The following GRIK2 variants were observed in gnomAD, a reference collection of about 807,000 sequenced individuals.
GRIK2 encodes the protein glutamate ionotropic receptor kainate type subunit 2.
In GRIK2, 32 loss-of-function variants were observed where a neutral mutation model predicts 100.3. The observed-to-expected ratio is 0.32, with a 90% CI of 0.24 to 0.43. The LOEUF (loss-of-function observed/expected upper bound fraction) is 0.43. Ranked by LOEUF, GRIK2 falls within the 20% of genes least tolerant of loss-of-function variation. The probability of loss-of-function intolerance (pLI) is 1.00; values close to 1 mark genes in which losing one functional copy is unlikely to be tolerated. For synonymous variants in GRIK2, 417 were observed against 389.4 expected (o/e 1.07, Z -0.83); for missense variants, 843 against 1,114.9 (o/e 0.76, Z 3.47).
chr6:101,517,692 G>A (rs1456457347), intron 2 of GRIK2, among the ~76,000 whole-genome samples: 1 of 152,062 alleles, frequency 6.6e-6, no homozygotes, highest in Non-Finnish European at 1.5e-5. Context: ...TTGACTTTTA[G>A]GCCTCTGCTT....
intron 10 of GRIK2, among the ~76,000 whole-genome samples, chr6:101,842,461 C>A (rs1481814777): frequency 1.3e-5 from 2 of 152,002 alleles, no homozygotes; most frequent in Non-Finnish European, 2.9e-5. Flanking sequence ...AAAATGTTAT[C>A]TTTATGCATT....
At chr6:101,771,224 T>G (rs1157760611) in intron 7 of GRIK2, among the ~76,000 whole-genome samples, 1 of 150,336 alleles carries the variant, frequency 6.7e-6, no homozygotes, top group African/African-American at 2.5e-5. Context: ...TTAGTTATCT[T>G]TCTTTTTTTT....
chr6:102,020,201 T>C (rs1769352298), intron 14 of GRIK2, among the ~76,000 whole-genome samples: 1 of 151,862 alleles, frequency 6.6e-6, no homozygotes, highest in Non-Finnish European at 1.5e-5. Flanking sequence ...TAGAATACCC[T>C]TGCTTATGAC....
At chr6:101,470,487 C>T (rs1008510086) in intron 2 of GRIK2, among the ~76,000 whole-genome samples, 2 of 152,128 alleles carry the variant, frequency 1.3e-5, no homozygotes, top group South Asian at 2.1e-4. Context: ...AAATGAGAAG[C>T]GAAATGCCTG....
chr6:101,957,429 A>G (rs565712568), intron 14 of GRIK2, among the ~76,000 whole-genome samples: 1 of 151,526 alleles, frequency 6.6e-6, no homozygotes, highest in South Asian at 2.1e-4. Context: ...ATTTTCTTCC[A>G]TTCTGTAGGT....
intron 13 of GRIK2, among the ~76,000 whole-genome samples, chr6:101,926,775 A>C (rs77541397): frequency 6.6e-6 from 1 of 152,288 alleles, no homozygotes; most frequent in East Asian, 1.9e-4. Context: ...AGTACATGAC[A>C]GTCAGCCCCT....
chr6:101,503,174 GT>G (rs905304345), intron 2 of GRIK2, among the ~76,000 whole-genome samples: 3 of 151,988 alleles, frequency 2.0e-5, no homozygotes, highest in Admixed American at 6.6e-5. Flanking sequence ...TACCTTAAGT[GT>G]TTTTTTTGTT....
intron 7 of GRIK2, among the ~76,000 whole-genome samples, chr6:101,761,867 C>CGGAAA (rs1416886767): frequency 8.2e-6 from 1 of 122,398 alleles, no homozygotes; most frequent in Non-Finnish European, 1.6e-5. Flanking sequence ...CTTTCCTTTC[C>CGGAAA]CCTCCCTTCC....
At chr6:101,419,235 C>G (rs1406098394) in intron 2 of GRIK2, among the ~76,000 whole-genome samples, 1 of 152,192 alleles carries the variant, frequency 6.6e-6, no homozygotes, top group Admixed American at 6.5e-5. Context: ...ATTCCTCACA[C>G]CTTTCACCTT....
At chr6:101,733,367 T>C (rs918512843) in intron 7 of GRIK2, among the ~76,000 whole-genome samples, 2 of 151,918 alleles carry the variant, frequency 1.3e-5, no homozygotes, top group Non-Finnish European at 2.9e-5. Context: ...AATAGAAAAA[T>C]AGAAAAGAAT....
chr6:101,660,963 A>C (rs1254881520), intron 4 of GRIK2, among the ~76,000 whole-genome samples: 1 of 152,120 alleles, frequency 6.6e-6, no homozygotes, highest in Non-Finnish European at 1.5e-5. Flanking sequence ...TCAGGGACCC[A>C]CTTGAGGAGG....
At chr6:101,446,871 C>T (rs528636164) in intron 2 of GRIK2, among the ~76,000 whole-genome samples, 5 of 150,266 alleles carry the variant, frequency 3.3e-5, no homozygotes, top group Admixed American at 6.7e-5. Context: ...CCTCAATCAC[C>T]GTTTCTTTTT....
At chr6:101,642,684 GC>G (rs1355115194) in intron 4 of GRIK2, among the ~76,000 whole-genome samples, 2 of 151,594 alleles carry the variant, frequency 1.3e-5, no homozygotes, top group African/African-American at 2.4e-5. Context: ...TATAAATAAT[GC>G]TGCTATGGAC....
chr6:101,473,894 T>C (rs896840190), intron 2 of GRIK2, among the ~76,000 whole-genome samples: 1 of 150,712 alleles, frequency 6.6e-6, no homozygotes, highest in African/African-American at 2.5e-5. Flanking sequence ...CATTGCAAAT[T>C]AAACTCATGT....
At chr6:102,058,990 ATTAAT>A (rs1487106473) in intron 16 of GRIK2, among the ~76,000 whole-genome samples, 1 of 151,332 alleles carries the variant, frequency 6.6e-6, no homozygotes, top group African/African-American at 2.4e-5. Context: ...ATTATAATAT[ATTAAT>A]TTATGGGTGA....
At chr6:101,482,287 TG>T (rs946978706) in intron 2 of GRIK2, among the ~76,000 whole-genome samples, 31 of 152,286 alleles carry the variant, frequency 2.0e-4, no homozygotes, top group Admixed American at 1.7e-3. Flanking sequence ...AAACGTAAAA[TG>T]AGTCATGTTC....
chr6:101,916,011 CAG>C (rs1196877393), intron 12 of GRIK2, among the ~76,000 whole-genome samples: 2 of 151,196 alleles, frequency 1.3e-5, no homozygotes, highest in Admixed American at 1.3e-4. Context: ...CTTTTTCTAA[CAG>C]TGTAAAAAAT....
At chr6:101,652,557 T>C (rs1562286395) in intron 4 of GRIK2, among the ~76,000 whole-genome samples, 2 of 152,114 alleles carry the variant, frequency 1.3e-5, no homozygotes, top group Admixed American at 6.6e-5. Flanking sequence ...ATTTTTAGAA[T>C]ATTTTCTACA....
chr6:101,507,364 G>A (rs747752604), intron 2 of GRIK2, among the ~76,000 whole-genome samples: 2 of 151,942 alleles, frequency 1.3e-5, no homozygotes, highest in African/African-American at 4.8e-5. Flanking sequence ...TTGTATGTAT[G>A]CTTAAAAATA....
Sources: allele counts gnomAD v4.1 joint callset (sites outside exome capture counted in the v4.1 genomes callset), GRCh38; gene constraint gnomAD v4.1.1; transcripts MANE v1.5; gene names NCBI Gene and HGNC (gene_info 2026-07-23, HGNC 2026-07-21).